SOS1: variants seen among roughly 807,000 people sequenced by gnomAD.
SOS1 encodes the protein son of sevenless homolog 1.
A neutral mutation model predicts 157.6 loss-of-function variants in SOS1; 25 were observed. The ratio of observed to expected loss-of-function variants is 0.16; its 90% CI spans 0.12 to 0.22. The LOEUF (loss-of-function observed/expected upper bound fraction) is 0.22, where lower values mean the gene tolerates loss of function less well. Ranked by LOEUF, SOS1 falls within the 10% of genes least tolerant of loss-of-function variation. SOS1 has a pLI of 1.00. For missense variants in SOS1, 1,237 were observed against 1,599.1 expected (o/e 0.77, Z 3.86); for synonymous variants, 528 against 534.0 (o/e 0.99, Z 0.16).
At chr2:38,997,204 A>G in intron 18 of SOS1, 49 bp downstream of exon 18, 2 of 1,404,066 alleles carry the variant, frequency 1.4e-6, no homozygotes, top group Middle Eastern at 1.8e-4. Flanking sequence ...TTTATTAAGT[A>G]GTTTAGAAAC....
intron 1 of SOS1, among the ~76,000 whole-genome samples, chr2:39,103,309 C>G (rs1003104185): frequency 3.3e-5 from 5 of 151,912 alleles, no homozygotes; most frequent in Non-Finnish European, 7.4e-5. Flanking sequence ...AAATGCTGAC[C>G]CTCAAATTCA....
At chr2:39,063,125 CAATTTTTT>C (rs1457208984) in intron 2 of SOS1, among the ~76,000 whole-genome samples, 2 of 151,340 alleles carry the variant, frequency 1.3e-5, no homozygotes, top group African/African-American at 4.8e-5. Flanking sequence ...ACATAGAATT[CAATTTTTT>C]TTTTTAAGAG....
At chr2:39,077,194 T>G (rs1259105650) in intron 1 of SOS1, among the ~76,000 whole-genome samples, 2 of 151,852 alleles carry the variant, frequency 1.3e-5, no homozygotes, top group Non-Finnish European at 2.9e-5. Context: ...AATACAAAAA[T>G]TAACTGGGTG....
Position 39,017,012 on chromosome 2 carries a change from A to G in SOS1, c.1859-2166T>C, listed in dbSNP as rs140553900. ...TGCTGGGAAAGCCATGATGTGTCTC[A>G]GTGCCACAGTCAAATGGGATCACAC... is the stretch of plus-strand genomic sequence containing the variant. On this transcript the variant is annotated intron_variant, in intron 10 of 22. Coordinates refer to ENST00000402219, the MANE Select transcript of SOS1 (RefSeq NM_005633.4). Among the ~76,000 whole-genome samples the G allele has an allele frequency of 2.0e-3, 304 of 152,262 alleles. 3 individuals carry two copies. Among genetic ancestry groups the G allele is most frequent in the African/African-American group, 6.7e-3 (280 of 41,560 alleles).
chr2:39,103,427 T>C (rs1673047503), intron 1 of SOS1, among the ~76,000 whole-genome samples: 2 of 152,158 alleles, frequency 1.3e-5, no homozygotes, highest in African/African-American at 4.8e-5. Context: ...GTAATCAAAA[T>C]AATATGGTAC....
chr2:39,028,553 C>T (rs1670048938), intron 8 of SOS1, among the ~76,000 whole-genome samples: 2 of 152,170 alleles, frequency 1.3e-5, no homozygotes, highest in South Asian at 4.1e-4. Flanking sequence ...CTACCATTTA[C>T]TTGAAGGCAC....
At chr2:39,052,577 T>G (rs2124599488) in intron 5 of SOS1, among the ~76,000 whole-genome samples, 1 of 152,324 alleles carries the variant, frequency 6.6e-6, no homozygotes, top group Non-Finnish European at 1.5e-5. Flanking sequence ...TTGTGCCTAG[T>G]TTTTTGCTTA....
At chr2:39,056,635 G>C in intron 4 of SOS1, 67 bp downstream of exon 4, 2 of 962,092 alleles carry the variant, frequency 2.1e-6, no homozygotes, top group Non-Finnish European at 3.4e-6. Flanking sequence ...TATATGAATA[G>C]TACGTTAGCA....
chr2:39,038,807 A>G (rs1196526641), intron 6 of SOS1, among the ~76,000 whole-genome samples: 3 of 151,540 alleles, frequency 2.0e-5, no homozygotes, highest in African/African-American at 7.3e-5. Flanking sequence ...TTTTATGACA[A>G]CAAAGGACTT....
chr2:39,084,428 T>C (rs1432249852), intron 1 of SOS1, among the ~76,000 whole-genome samples: 2 of 151,986 alleles, frequency 1.3e-5, no homozygotes, highest in Non-Finnish European at 2.9e-5. Flanking sequence ...CAGGACAGCA[T>C]GGAGAAAAAT....
At position 38,982,441 on chromosome 2, in the gene SOS1, T is replaced by G. The variant is rs1668432902; in HGVS notation, c.*3383A>C. On this transcript the variant is annotated 3_prime_UTR_variant, in exon 23 of 23. Transcript: ENST00000402219. ...CATCATGTTCCCTTATAAATAACTT[T>G]ACTGCATAATTCTTTCAGCCAAACC... 6.6e-6 allele frequency: 1 copy of G among 152,188 alleles called. No individual in the cohort carries two copies. The highest frequency in any genetic ancestry group is 2.1e-4 in the South Asian group (1 of 4,824). The allele number at this position is 152,188 out of a possible 1,614,324, so 9.4% of individuals were successfully genotyped here. A position where few individuals can be genotyped will look rare whatever the true frequency, so the allele number is the denominator to read the frequency against.
intron 1 of SOS1, among the ~76,000 whole-genome samples, chr2:39,112,351 G>A (rs141130569): frequency 2.0e-5 from 3 of 152,002 alleles, no homozygotes; most frequent in African/African-American, 7.2e-5. Flanking sequence ...TCTCTCTCTT[G>A]CTCTTTCTTT....
intron 1 of SOS1, among the ~76,000 whole-genome samples, chr2:39,110,549 TAAA>T (rs558283271): frequency 7.9e-6 from 1 of 127,374 alleles, no homozygotes. Flanking sequence ...CAAGGAGCAA[TAAA>T]AAAAAAAAAA....
chr2:39,019,189 T>G (rs1194875359), intron 10 of SOS1, among the ~76,000 whole-genome samples: 6 of 151,764 alleles, frequency 4.0e-5, no homozygotes, highest in African/African-American at 1.4e-4. Flanking sequence ...TTTCCCTCAC[T>G]TCAATATGCA....
chr2:39,018,803 G>C (rs1669708515), intron 10 of SOS1, among the ~76,000 whole-genome samples: 1 of 151,550 alleles, frequency 6.6e-6, no homozygotes, highest in Non-Finnish European at 1.5e-5. Flanking sequence ...TCCCTTTAAT[G>C]CAGCCATTTA....
intron 1 of SOS1, among the ~76,000 whole-genome samples, chr2:39,116,981 C>T (rs1448798740): frequency 6.6e-6 from 1 of 151,984 alleles, no homozygotes; most frequent in Non-Finnish European, 1.5e-5. Flanking sequence ...CATGCCCTGC[C>T]ACTTCCCATC....
intron 10 of SOS1, among the ~76,000 whole-genome samples, chr2:39,020,742 C>G (rs991431450): frequency 6.6e-6 from 1 of 151,748 alleles, no homozygotes; most frequent in African/African-American, 2.4e-5. Context: ...ACAGACCTTA[C>G]AGAATAGCCC....
rs766580727 is a variant in SOS1, at chr2:39,080,090, T to C, written c.88-12337A>G. On this transcript the variant is annotated intron_variant, in intron 1 of 22. Transcript: ENST00000402219. ...TGTTTACTTTATTTCTATTATTACA[T>C]TGTAATATATAATAAAATAATTATA... Among the ~76,000 whole-genome samples the C allele has an allele frequency of 9.9e-5, 15 of 152,016 alleles. No individual in the cohort carries two copies. In the East Asian group the frequency reaches 1.5e-3, roughly 16 times the overall value.
chr2:39,004,187 G>A (rs1279833367), intron 17 of SOS1, among the ~76,000 whole-genome samples: 6 of 152,064 alleles, frequency 3.9e-5, no homozygotes, highest in Non-Finnish European at 7.4e-5. Flanking sequence ...AGGCCAAGGT[G>A]GGCGGATCAT....
Sources: allele counts gnomAD v4.1 joint callset (sites outside exome capture counted in the v4.1 genomes callset), GRCh38; gene constraint gnomAD v4.1.1; transcripts MANE v1.5; gene names NCBI Gene and HGNC (gene_info 2026-07-23, HGNC 2026-07-21).